Variants in MARCHF1 observed in about 807,000 individuals in gnomAD.
MARCHF1 encodes E3 ubiquitin-protein ligase MARCHF1.
A neutral mutation model predicts 54.2 loss-of-function variants in MARCHF1; 40 were observed. The ratio of observed to expected loss-of-function variants is 0.74; its 90% confidence interval spans 0.57 to 0.96. The LOEUF is 0.96. MARCHF1 is among the 40% of genes least tolerant of loss of function. MARCHF1 has a pLI of 0.00. For synonymous variants in MARCHF1, 236 were observed against 236.3 expected (o/e 1.00, Z 0.01); for missense variants, 586 against 656.5 (o/e 0.89, Z 1.17).
chr4:163,976,959 C>T (rs547213977), intron 3 of MARCHF1, among the ~76,000 whole-genome samples: 29 of 152,006 alleles, frequency 1.9e-4, no homozygotes, highest in African/African-American at 7.0e-4. Flanking sequence ...AATTCATGGG[C>T]GTTAAAAAAT....
chr4:163,908,496 T>C (rs932432727), intron 3 of MARCHF1, among the ~76,000 whole-genome samples: 5 of 152,170 alleles, frequency 3.3e-5, no homozygotes, highest in African/African-American at 9.7e-5. Flanking sequence ...TCCAAGTTCA[T>C]TAAATGCTGA....
chr4:163,797,617 G>C (rs932801261), intron 4 of MARCHF1, among the ~76,000 whole-genome samples: 7 of 151,548 alleles, frequency 4.6e-5, no homozygotes, highest in African/African-American at 1.7e-4. Context: ...TATTTGGTTT[G>C]ATACTCCAGT....
At chr4:164,147,525 G>A (rs1454517349) in intron 1 of MARCHF1, among the ~76,000 whole-genome samples, 1 of 125,848 alleles carries the variant, frequency 7.9e-6, no homozygotes, top group Middle Eastern at 3.3e-3. Flanking sequence ...CCTTTGTAGG[G>A]ACATGGATGA....
chr4:164,026,500 T>C (rs1473212003), intron 2 of MARCHF1, among the ~76,000 whole-genome samples: 1 of 152,036 alleles, frequency 6.6e-6, no homozygotes, highest in African/African-American at 2.4e-5. Flanking sequence ...ATCATCTCAA[T>C]AGACACACAC....
At chr4:164,292,344 T>C (rs938173420) in intron 1 of MARCHF1, among the ~76,000 whole-genome samples, 1 of 152,120 alleles carries the variant, frequency 6.6e-6, no homozygotes, top group Admixed American at 6.6e-5. Context: ...TTTTTTTTCA[T>C]ACAGAATTTT....
chr4:163,984,459 T>C (rs1752822626), intron 3 of MARCHF1, among the ~76,000 whole-genome samples: 1 of 152,162 alleles, frequency 6.6e-6, no homozygotes. Context: ...AGGTATAGAC[T>C]CAGTGTGTTG....
chr4:163,552,320 C>T (rs1739132984), intron 8 of MARCHF1, among the ~76,000 whole-genome samples: 1 of 152,168 alleles, frequency 6.6e-6, no homozygotes, highest in Non-Finnish European at 1.5e-5. Context: ...ATCACCAACC[C>T]AAATATAGAC....
At chr4:163,705,480 A>C (rs1379847491) in intron 4 of MARCHF1, among the ~76,000 whole-genome samples, 1 of 151,962 alleles carries the variant, frequency 6.6e-6, no homozygotes, top group Non-Finnish European at 1.5e-5. Flanking sequence ...TAAAATTCCC[A>C]AAGAATAGAA....
At chr4:163,852,875 C>T (rs1749678179) in intron 4 of MARCHF1, among the ~76,000 whole-genome samples, 1 of 152,082 alleles carries the variant, frequency 6.6e-6, no homozygotes, top group Non-Finnish European at 1.5e-5. Flanking sequence ...GGAGGTGGAG[C>T]CTTTGGGAGG....
chr4:163,870,729 C>T (rs919845637), intron 3 of MARCHF1, among the ~76,000 whole-genome samples: 7 of 151,968 alleles, frequency 4.6e-5, no homozygotes, highest in Non-Finnish European at 7.4e-5. Flanking sequence ...GTGAAATAAG[C>T]CAGCACGGAA....
intron 4 of MARCHF1, among the ~76,000 whole-genome samples, chr4:163,833,500 T>C (rs1355712211): frequency 6.6e-6 from 1 of 151,772 alleles, no homozygotes; most frequent in Non-Finnish European, 1.5e-5. Context: ...GAATCTACAA[T>C]GAACTCAAAC....
At position 164,016,967 on chromosome 4, in the gene MARCHF1, T is replaced by C. The variant is rs145913504; in HGVS notation, c.-247-28258A>G. 2.0e-5 allele frequency among the ~76,000 whole-genome samples: 3 copies of C among 152,034 alleles called. 1 individual carries two copies. The East Asian group carries it at 5.8e-4, about 29-fold the overall frequency. On this transcript the variant is annotated intron_variant, in intron 2 of 9. Transcript: ENST00000514618. ...ATCCATTATAATTAAAAACTAAAAA[T>C]TGGAAAAAACCCTCATGAACCTAAA...
chr4:164,200,654 A>G (rs1731426925), intron 1 of MARCHF1, among the ~76,000 whole-genome samples: 1 of 152,246 alleles, frequency 6.6e-6, no homozygotes, highest in Admixed American at 6.5e-5. Flanking sequence ...TAACTTCTAC[A>G]GCCTAAGCAT....
At chr4:164,002,813 T>G (rs183470490) in intron 2 of MARCHF1, among the ~76,000 whole-genome samples, 1 of 151,826 alleles carries the variant, frequency 6.6e-6, no homozygotes. Flanking sequence ...TAAATAATGC[T>G]GGTGAGCAAA....
chr4:163,726,193 T>A (rs542575700), intron 4 of MARCHF1, among the ~76,000 whole-genome samples: 1 of 152,174 alleles, frequency 6.6e-6, no homozygotes, highest in Non-Finnish European at 1.5e-5. Flanking sequence ...TTGACAAATG[T>A]ATGATAACAT....
chr4:164,220,654 T>A lies in MARCHF1; in HGVS notation c.-322-108992A>T, dbSNP rs570187399. ...AATATATATGCTATATATGCATATA[T>A]GTAATATATATGCTATATGTATATA... On this transcript the variant is annotated intron_variant, in intron 1 of 9. Transcript: ENST00000514618. 8.7e-4 allele frequency among the ~76,000 whole-genome samples: 123 copies of A among 141,930 alleles called. 1 individual carries two copies. The highest frequency in any genetic ancestry group is 1.2e-3 in the Non-Finnish European group (78 of 66,366). The allele number at this position is 141,930 out of a possible 152,430, so 93.1% of individuals were successfully genotyped here.
intron 8 of MARCHF1, among the ~76,000 whole-genome samples, chr4:163,572,324 T>TA (rs1739866523): frequency 6.6e-6 from 1 of 151,438 alleles, no homozygotes; most frequent in Admixed American, 6.6e-5. Context: ...TCTTCCTTTT[T>TA]TTTTTTTTTT....
At chr4:163,746,097 A>T (rs1199492717) in intron 4 of MARCHF1, among the ~76,000 whole-genome samples, 1 of 152,200 alleles carries the variant, frequency 6.6e-6, no homozygotes, top group Admixed American at 6.5e-5. Context: ...ATAATGACAT[A>T]GATCCATCTT....
chr4:163,669,921 T>A (rs1176441505), intron 5 of MARCHF1, among the ~76,000 whole-genome samples: 3 of 152,092 alleles, frequency 2.0e-5, no homozygotes, highest in African/African-American at 7.2e-5. Context: ...TTCTTATGGA[T>A]CATTGCCCAC....
Sources: allele counts gnomAD v4.1 joint callset (sites outside exome capture counted in the v4.1 genomes callset), GRCh38; gene constraint gnomAD v4.1.1; transcripts MANE v1.5; gene names NCBI Gene and HGNC (gene_info 2026-07-23, HGNC 2026-07-21).